Variants in NFIB observed in about 807,000 individuals in gnomAD.
NFIB encodes nuclear factor 1 B-type.
Under a neutral mutation model 61.5 loss-of-function variants are expected in NFIB, and 11 were observed. That is an observed-to-expected ratio of 0.18 (90% CI 0.11 to 0.30). NFIB has a LOEUF of 0.30. NFIB is among the 10% of genes least tolerant of loss of function. The probability of loss-of-function intolerance (pLI) is 1.00; values close to 1 mark genes in which losing one functional copy is unlikely to be tolerated. For missense variants in NFIB, 471 were observed against 608.9 expected (o/e 0.77, Z 2.38); for synonymous variants, 260 against 216.5 (o/e 1.20, Z -1.76).
the NFIB span, among the ~76,000 whole-genome samples, chr9:14,472,366 T>C: frequency 6.6e-6 from 1 of 152,224 alleles, no homozygotes; most frequent in Non-Finnish European, 1.5e-5. Flanking sequence ...AAAATTTTTA[T>C]TCCAGATCCA....
the NFIB span, among the ~76,000 whole-genome samples, chr9:14,426,564 C>T: frequency 2.0e-5 from 3 of 152,092 alleles, no homozygotes; most frequent in Non-Finnish European, 4.4e-5. Flanking sequence ...TCTTTAAAAG[C>T]AGAAAAAAGG....
At chr9:14,270,912 G>T (rs1046691030) in intron 2 of NFIB, among the ~76,000 whole-genome samples, 1 of 152,032 alleles carries the variant, frequency 6.6e-6, no homozygotes, top group African/African-American at 2.4e-5. Context: ...GTCTCCGTAG[G>T]CCCTTCAAAA....
intron 1 of NFIB, among the ~76,000 whole-genome samples, chr9:14,384,534 C>T (rs2061526999): frequency 6.6e-6 from 1 of 152,064 alleles, no homozygotes; most frequent in Non-Finnish European, 1.5e-5. Flanking sequence ...ACTTCCTCCT[C>T]TCAAAAAAAG....
chr9:14,467,603 C>A, the NFIB span, among the ~76,000 whole-genome samples: 7 of 152,094 alleles, frequency 4.6e-5, no homozygotes, highest in Admixed American at 4.6e-4. Context: ...TTTATTCAGT[C>A]AATTGGCATT....
intron 5 of NFIB, among the ~76,000 whole-genome samples, chr9:14,147,480 C>T (rs768186383): frequency 6.7e-4 from 101 of 151,454 alleles, no homozygotes; most frequent in Non-Finnish European, 2.8e-4. Context: ...ATAACCCTAT[C>T]ATTAATAATA....
chr9:14,276,850 G>C (rs1024968453), intron 2 of NFIB, among the ~76,000 whole-genome samples: 2 of 151,902 alleles, frequency 1.3e-5, no homozygotes, highest in Admixed American at 1.3e-4. Context: ...ATTGTAAACT[G>C]AATTCAGATT....
At chr9:14,339,648 C>T (rs759939337) in intron 1 of NFIB, among the ~76,000 whole-genome samples, 28 of 152,116 alleles carry the variant, frequency 1.8e-4, no homozygotes, top group Non-Finnish European at 8.8e-5. Flanking sequence ...TTAATTAAGA[C>T]CAGAACTAAC....
At chr9:14,264,388 C>T (rs569138528) in intron 2 of NFIB, among the ~76,000 whole-genome samples, 2 of 152,064 alleles carry the variant, frequency 1.3e-5, no homozygotes, top group African/African-American at 2.4e-5. Context: ...TTCAAAAGTA[C>T]GTGCCCAATA....
intron 3 of NFIB, among the ~76,000 whole-genome samples, chr9:14,157,566 T>C (rs2043582735): frequency 6.6e-6 from 1 of 152,214 alleles, no homozygotes; most frequent in South Asian, 2.1e-4. Context: ...CACTTCTATT[T>C]TAAGAAACTC....
intron 2 of NFIB, among the ~76,000 whole-genome samples, chr9:14,244,109 T>C (rs1373876621): frequency 6.6e-6 from 1 of 152,216 alleles, no homozygotes; most frequent in Non-Finnish European, 1.5e-5. Context: ...GTAGCAATTA[T>C]GAGCAAATAT....
At chr9:14,463,990 G>C in the NFIB span, among the ~76,000 whole-genome samples, 1 of 152,174 alleles carries the variant, frequency 6.6e-6, no homozygotes, top group Non-Finnish European at 1.5e-5. Context: ...CACAATCTAC[G>C]ATGGGGTCTG....
chr9:14,155,932 C>G (rs749767317), intron 3 of NFIB, 39 bp from the exon 4 acceptor site: 2 of 1,287,678 alleles, frequency 1.6e-6, no homozygotes, highest in African/African-American at 3.0e-5. Flanking sequence ...TCAATATAAG[C>G]AGAAAGTAAA....
intron 10 of NFIB, among the ~76,000 whole-genome samples, chr9:14,108,240 T>C (rs1311131254): frequency 6.6e-6 from 1 of 152,130 alleles, no homozygotes; most frequent in African/African-American, 2.4e-5. Flanking sequence ...CAAGTGTTGA[T>C]AGCCTGCTTC....
intron 6 of NFIB, among the ~76,000 whole-genome samples, chr9:14,140,601 T>C (rs1011553846): frequency 5.9e-5 from 9 of 152,232 alleles, no homozygotes; most frequent in African/African-American, 2.2e-4. Context: ...CACTCTTTTG[T>C]ATGTAGCATA....
rs370785195 is a variant in NFIB, at chr9:14,231,582, C to G, written c.563-51802G>C. Among the ~76,000 whole-genome samples, 19 of 152,130 alleles carry G rather than the reference C, an allele frequency of 1.2e-4. 1 individual carries two copies. Among genetic ancestry groups the G allele is most frequent in the African/African-American group, 4.6e-4 (19 of 41,418 alleles). ...TACTCCAGGTCTATTATGAAAAGAA[C>G]AGATTAACTCCCTAACAGTTCGTTC... is the stretch of plus-strand genomic sequence containing the variant. On this transcript the variant is annotated intron_variant, in intron 2 of 10. Transcript: ENST00000380953.
chr9:14,306,197 T>G (rs2060008283), intron 2 of NFIB, among the ~76,000 whole-genome samples: 1 of 152,200 alleles, frequency 6.6e-6, no homozygotes, highest in South Asian at 2.1e-4. Flanking sequence ...AGATTTATCT[T>G]AAACCAGTGT....
At chr9:14,402,373 G>C (rs2061751157), upstream of NFIB, among the ~76,000 whole-genome samples, 1 of 152,100 alleles carries the variant, frequency 6.6e-6, no homozygotes, top group East Asian at 1.9e-4. Context: ...TCTGTACTTT[G>C]CTTCCAGCTT....
chr9:14,451,815 T>C, the NFIB span, among the ~76,000 whole-genome samples: 27 of 152,314 alleles, frequency 1.8e-4, no homozygotes, highest in East Asian at 3.9e-3. Flanking sequence ...AATGTTTTGA[T>C]TTGAATTTTC....
intron 1 of NFIB, among the ~76,000 whole-genome samples, chr9:14,355,092 C>A (rs558752911): frequency 6.6e-6 from 1 of 152,280 alleles, no homozygotes; most frequent in East Asian, 1.9e-4. Context: ...ACTTGGAACA[C>A]TGCACCCCTC....
Sources: gnomAD v4.1 joint callset for allele counts (sites outside exome capture counted in the v4.1 genomes callset) on GRCh38, gnomAD v4.1.1 for gene constraint, MANE v1.5 for transcripts, NCBI Gene and HGNC (gene_info 2026-07-23, HGNC 2026-07-21) for gene names.